The following ZFHX4 variants were observed in gnomAD, a reference collection of about 807,000 sequenced individuals.
The protein encoded by ZFHX4 is zinc finger homeobox protein 4.
Under a neutral mutation model 267.6 loss-of-function variants are expected in ZFHX4, and 56 were observed. The ratio of observed to expected loss-of-function variants is 0.21; its 90% CI spans 0.17 to 0.26. The LOEUF is 0.26. ZFHX4 is among the 10% of genes least tolerant of loss of function. The pLI is 1.00. For synonymous variants in ZFHX4, 1,778 were observed against 1,665.6 expected (o/e 1.07, Z -1.64); for missense variants, 4,332 against 4,420.0 (o/e 0.98, Z 0.56).
intron 5 of ZFHX4, among the ~76,000 whole-genome samples, chr8:76,841,709 C>A (rs767370367): frequency 1.1e-4 from 16 of 152,104 alleles, no homozygotes; most frequent in Non-Finnish European, 1.2e-4. Context: ...TAATTCCTAC[C>A]TGAACAGGGG....
chr8:76,681,789 C>T (rs1807536385), intron 1 of ZFHX4, among the ~76,000 whole-genome samples, 169 bp downstream of exon 1: 1 of 152,028 alleles, frequency 6.6e-6, no homozygotes, highest in Non-Finnish European at 1.5e-5. Flanking sequence ...CTCGCTGTCG[C>T]ACACATCCCC....
At chr8:76,735,981 A>T (rs576673866) in intron 3 of ZFHX4, among the ~76,000 whole-genome samples, 5 of 152,146 alleles carry the variant, frequency 3.3e-5, no homozygotes, top group Admixed American at 3.3e-4. Flanking sequence ...TGCAAATGGA[A>T]CACATTCATT....
chr8:76,843,529 G>T (rs1214769877), intron 6 of ZFHX4, among the ~76,000 whole-genome samples: 1 of 152,088 alleles, frequency 6.6e-6, no homozygotes, highest in Non-Finnish European at 1.5e-5. Flanking sequence ...GTTTGATTTG[G>T]CAAATATATG....
At chr8:76,690,080 A>G (rs1807787073) in intron 1 of ZFHX4, among the ~76,000 whole-genome samples, 1 of 152,078 alleles carries the variant, frequency 6.6e-6, no homozygotes, top group Non-Finnish European at 1.5e-5. Flanking sequence ...TGTTTGTCTG[A>G]CTTGAGGACA....
At position 76,849,681 on chromosome 8, in the gene ZFHX4, C is replaced by T; in HGVS notation, c.3815C>T (p.Ser1272Phe). The T allele has an allele frequency of 1.2e-6, 2 of 1,613,870 alleles. No homozygotes were observed. The highest frequency in any genetic ancestry group is 1.7e-6 in the Non-Finnish European group (2 of 1,179,850). ...CATCTGACGCATTTGCACAGTGTGT[C>T]TCCAGACTGTGTGGAGAAGCTGCTT... ...QLHLTHLHSV[S>F]PDCVEKLLMT... The change falls in exon 8 of 11, where the codon TCT becomes TTT. Residue 1272 changes from serine to phenylalanine, a missense_variant. This residue lies in a region of ZFHX4 where 1,371 missense variants were observed against 1,423.1 expected (regional missense o/e 0.96). Transcript: ENST00000651372.
Position 76,851,936 on chromosome 8 carries a change from A to C in ZFHX4, c.5015A>C (p.Lys1672Thr). ...DTHLDAKELN[K>T]KQTPDLISAQ... is the part of the protein sequence containing the mutation. ...CATTTAGATGCCAAAGAATTAAATA[A>C]AAAGCAAACTCCTGATTTAATCTCT... Residue 1672 changes from lysine (K) to threonine (T), a missense_variant, in exon 10 of 11, where the codon AAA (lysine) becomes ACA (threonine). This residue lies in a region of ZFHX4 where 1,371 missense variants were observed against 1,423.1 expected (regional missense o/e 0.96). Coordinates refer to ENST00000651372, the MANE Select transcript of ZFHX4 (RefSeq NM_024721.5). The C allele has an allele frequency of 6.2e-7, 1 of 1,614,014 alleles. No homozygotes were observed. The highest frequency in any genetic ancestry group is 8.5e-7 in the Non-Finnish European group (1 of 1,179,882).
chr8:76,784,093 T>C (rs566434069), intron 4 of ZFHX4, among the ~76,000 whole-genome samples: 45 of 152,120 alleles, frequency 3.0e-4, no homozygotes, highest in African/African-American at 9.9e-4. Flanking sequence ...AACCGTTCTT[T>C]ACCAAATTTC....
At chr8:76,811,331 A>G (rs1442737308) in intron 4 of ZFHX4, among the ~76,000 whole-genome samples, 1 of 152,246 alleles carries the variant, frequency 6.6e-6, no homozygotes, top group African/African-American at 2.4e-5. Flanking sequence ...TCATAGAAAG[A>G]AAAGGAGCAG....
intron 3 of ZFHX4, among the ~76,000 whole-genome samples, chr8:76,717,621 G>A (rs1808611490): frequency 6.6e-6 from 1 of 152,076 alleles, no homozygotes; most frequent in Non-Finnish European, 1.5e-5. Context: ...TTTTGAGATA[G>A]GGTCTTGCTC....
intron 5 of ZFHX4, among the ~76,000 whole-genome samples, chr8:76,839,253 G>A (rs537606303): frequency 1.3e-5 from 2 of 152,246 alleles, no homozygotes; most frequent in African/African-American, 4.8e-5. Context: ...CTCTAAGCTA[G>A]TCATTCAAAA....
chr8:76,789,811 A>T (rs970340692), intron 4 of ZFHX4, among the ~76,000 whole-genome samples: 2 of 152,174 alleles, frequency 1.3e-5, no homozygotes, highest in Admixed American at 6.5e-5. Context: ...GTAGCCTGTC[A>T]TATAAATATG....
chr8:76,770,699 G>A (rs1810241375), intron 3 of ZFHX4, among the ~76,000 whole-genome samples: 1 of 152,076 alleles, frequency 6.6e-6, no homozygotes, highest in Admixed American at 6.6e-5. Flanking sequence ...GGAAAAAAAT[G>A]TCATATTTCT....
chr8:76,771,434 T>TTTTTG (rs1195039350), intron 3 of ZFHX4, among the ~76,000 whole-genome samples: 2 of 152,070 alleles, frequency 1.3e-5, no homozygotes, highest in Non-Finnish European at 2.9e-5. Context: ...TGTTTTTGCT[T>TTTTTG]TTTTGTTTTG....
intron 3 of ZFHX4, among the ~76,000 whole-genome samples, chr8:76,757,526 A>G (rs1035127128): frequency 6.6e-6 from 1 of 151,396 alleles, no homozygotes; most frequent in Non-Finnish European, 1.5e-5. Flanking sequence ...CTATTGTTAA[A>G]CTCCAGGGCT....
chr8:76,768,848 T>C (rs1810180569), intron 3 of ZFHX4, among the ~76,000 whole-genome samples: 1 of 152,104 alleles, frequency 6.6e-6, no homozygotes, highest in Non-Finnish European at 1.5e-5. Flanking sequence ...GGGCTTGATA[T>C]CAAAAGATGA....
At chr8:76,687,971 G>T (rs1807733958) in intron 1 of ZFHX4, among the ~76,000 whole-genome samples, 1 of 152,160 alleles carries the variant, frequency 6.6e-6, no homozygotes, top group Non-Finnish European at 1.5e-5. Context: ...TCTCTCTAAA[G>T]TTATGTTTGT....
chr8:76,787,268 C>G (rs16939363), intron 4 of ZFHX4, among the ~76,000 whole-genome samples: 5,206 of 151,950 alleles, frequency 0.034, 215 homozygotes, highest in East Asian at 0.18. Flanking sequence ...TCATGAGAAC[C>G]CAGATAAGGT....
chr8:76,841,179 G>A (rs902446401), intron 5 of ZFHX4, among the ~76,000 whole-genome samples: 2 of 152,152 alleles, frequency 1.3e-5, no homozygotes, highest in Non-Finnish European at 2.9e-5. Context: ...TATTTTGAAT[G>A]TATTAAATGT....
intron 4 of ZFHX4, among the ~76,000 whole-genome samples, chr8:76,819,904 A>G (rs898839195): frequency 6.6e-6 from 1 of 152,212 alleles, no homozygotes; most frequent in African/African-American, 2.4e-5. Flanking sequence ...CACTCTGGAA[A>G]TAGACTTCTA....
Sources: allele counts gnomAD v4.1 joint callset (sites outside exome capture counted in the v4.1 genomes callset), GRCh38; gene constraint gnomAD v4.1.1; regional missense constraint gnomAD v4.1.1; transcripts MANE v1.5; gene names NCBI Gene and HGNC (gene_info 2026-07-23, HGNC 2026-07-21).